Variants in THSD4 observed in about 807,000 individuals in gnomAD.
The protein encoded by THSD4 is thrombospondin type 1 domain containing 4, also known as thrombospondin type-1 domain-containing protein 4.
In THSD4, 69 loss-of-function variants were observed where a neutral mutation model predicts 119.0. The ratio of observed to expected loss-of-function variants is 0.58; its 90% CI spans 0.48 to 0.71. The LOEUF is 0.71. Among genes scored for constraint, THSD4 ranks in the 30% least tolerant of loss-of-function variants. The pLI is 0.00. For synonymous variants in THSD4, 524 were observed against 540.4 expected, an observed-to-expected ratio of 0.97 and a Z score of 0.42; for missense variants, 1,393 against 1,391.1, an observed-to-expected ratio of 1.00 and a Z score of -0.02.
chr15:71,249,473 T>C (rs2044238396), intron 5 of THSD4, among the ~76,000 whole-genome samples: 2 of 151,470 alleles, frequency 1.3e-5, no homozygotes, highest in South Asian at 4.2e-4. Flanking sequence ...TTGTCATTTT[T>C]CATGATTATA....
chr15:71,464,519 G>T (rs1345160930), intron 7 of THSD4, among the ~76,000 whole-genome samples: 1 of 152,182 alleles, frequency 6.6e-6, no homozygotes, highest in East Asian at 1.9e-4. Flanking sequence ...CCCACAGTCT[G>T]TGTCTTGGTT....
chr15:71,701,430 C>T (rs902078342), intron 8 of THSD4, among the ~76,000 whole-genome samples: 3 of 152,102 alleles, frequency 2.0e-5, no homozygotes, highest in African/African-American at 7.2e-5. Context: ...TAATGTACCA[C>T]AGTAAGCAAA....
intron 7 of THSD4, among the ~76,000 whole-genome samples, chr15:71,538,741 A>G (rs1286149186): frequency 6.6e-6 from 1 of 152,254 alleles, no homozygotes; most frequent in African/African-American, 2.4e-5. Context: ...TCCAGGGACC[A>G]TAGTTGAGAA....
At position 71,487,578 on chromosome 15, in the gene THSD4, G is replaced by A. The variant is rs571363619; in HGVS notation, c.1152+75755G>A. Among the ~76,000 whole-genome samples the A allele has an allele frequency of 3.0e-3, 456 of 152,284 alleles. 2 individuals are homozygous for A. Among genetic ancestry groups the A allele is most frequent in the African/African-American group, 0.011 (441 of 41,572 alleles). ...TAGAAAAAAATCTTCTTTGACTTAT[G>A]TTTGCAGTTCCCCTTATGGCCAGCT... On this transcript the variant is annotated intron_variant, in intron 7 of 17. Coordinates refer to ENST00000261862, the MANE Select transcript of THSD4 (RefSeq NM_024817.3).
At chr15:71,241,706 A>C (rs370204524) in intron 4 of THSD4, among the ~76,000 whole-genome samples, 1 of 152,154 alleles carries the variant, frequency 6.6e-6, no homozygotes, top group African/African-American at 2.4e-5. Context: ...AAATGCTACA[A>C]ATCAGGGCTT....
intron 7 of THSD4, among the ~76,000 whole-genome samples, chr15:71,578,261 C>T (rs1183657332): frequency 8.5e-5 from 12 of 140,422 alleles, no homozygotes; most frequent in Admixed American, 7.1e-4. Flanking sequence ...GCAGTGTAGA[C>T]TCCAGGTGGT....
chr15:71,270,918 A>G (rs2044521356), intron 6 of THSD4, among the ~76,000 whole-genome samples: 2 of 151,942 alleles, frequency 1.3e-5, no homozygotes, highest in South Asian at 4.2e-4. Flanking sequence ...CTAGAATGAT[A>G]AAGGAATGAG....
chr15:71,226,651 G>A (rs1274329641), intron 4 of THSD4, among the ~76,000 whole-genome samples: 1 of 152,150 alleles, frequency 6.6e-6, no homozygotes, highest in Non-Finnish European at 1.5e-5. Context: ...GGGCCTCTTC[G>A]TGATGCTGGA....
intron 6 of THSD4, among the ~76,000 whole-genome samples, chr15:71,285,611 T>G (rs941248500): frequency 2.0e-5 from 3 of 152,166 alleles, no homozygotes; most frequent in African/African-American, 7.2e-5. Flanking sequence ...ATCCCAGCAC[T>G]TTGGGAGGCC....
intron 5 of THSD4, among the ~76,000 whole-genome samples, chr15:71,253,601 G>A (rs1391232306): frequency 2.0e-5 from 3 of 152,002 alleles, no homozygotes; most frequent in Admixed American, 2.0e-4. Context: ...TAGAGACAGG[G>A]TTACACTATA....
chr15:71,279,886 A>G (rs2044632246), intron 6 of THSD4, among the ~76,000 whole-genome samples: 1 of 152,170 alleles, frequency 6.6e-6, no homozygotes, highest in African/African-American at 2.4e-5. Flanking sequence ...AGGAAGAGCA[A>G]TGGGCAAAGG....
intron 6 of THSD4, among the ~76,000 whole-genome samples, chr15:71,372,874 G>T (rs192467666): frequency 1.3e-3 from 198 of 152,352 alleles, no homozygotes; most frequent in African/African-American, 4.6e-3. Flanking sequence ...TGCCTGCAGA[G>T]GTGGAGTCTA....
rs2048131973 is a variant in THSD4 at position 71,502,853 on chromosome 15, A to G, written c.1152+91030A>G. ...GAGGTCTTTCTGACAAATGGCCAAA[A>G]TAAGAACTATAATACTAAATATGCT... On this transcript the variant is annotated intron_variant, in intron 7 of 17. Transcript: ENST00000261862. 4.6e-5 allele frequency among the ~76,000 whole-genome samples: 7 copies of G among 152,324 alleles called. No homozygotes were observed. In the South Asian group the frequency reaches 1.4e-3, roughly 32 times the overall value.
intron 8 of THSD4, among the ~76,000 whole-genome samples, chr15:71,688,689 T>TG (rs1167108313): frequency 7.0e-6 from 1 of 143,856 alleles, no homozygotes; most frequent in East Asian, 2.1e-4. Context: ...TGTTGAGGTT[T>TG]TTTTTTGTTT....
In THSD4 at chr15:71,425,143, T is replaced by C. The variant is rs1304539610; in HGVS notation, c.1152+13320T>C. 4.6e-5 allele frequency among the ~76,000 whole-genome samples: 7 copies of C among 152,200 alleles called. No individual in the cohort carries two copies. The East Asian group carries it at 1.3e-3, about 29-fold the overall frequency. On this transcript the variant is annotated intron_variant, in intron 7 of 17. Transcript: ENST00000261862. Reference sequence around the variant, plus strand: ...TGATGCAAGCCAGCAAGGAGCCATTTCTGAGAGTTTACCATGTGCTGTGTC... The same window carrying C: ...TGATGCAAGCCAGCAAGGAGCCATTCCTGAGAGTTTACCATGTGCTGTGTC...
chr15:71,618,170 C>A (rs1277570483), intron 7 of THSD4, among the ~76,000 whole-genome samples: 1 of 152,204 alleles, frequency 6.6e-6, no homozygotes, highest in Non-Finnish European at 1.5e-5. Flanking sequence ...CATAAAAATT[C>A]TCTGTTAACC....
At position 71,483,555 on chromosome 15, in the gene THSD4, G is replaced by A. The variant is rs565233792; in HGVS notation, c.1152+71732G>A. On this transcript the variant is annotated intron_variant, in intron 7 of 17. Coordinates refer to ENST00000261862, the MANE Select transcript of THSD4 (RefSeq NM_024817.3). The stretch of plus-strand genomic sequence containing the variant: ...AGTAACTTGAACTTCCACAGCCTTC[G>A]TTCTTTTTTTAATTTATTATTTATT... Among the ~76,000 whole-genome samples the A allele has an allele frequency of 2.2e-4, 33 of 152,036 alleles. 2 individuals carry two copies. The highest frequency in any genetic ancestry group is 5.2e-4 in the Admixed American group (8 of 15,278).
At chr15:71,731,034 T>A (rs934215884) in intron 9 of THSD4, 87 bp from the exon 10 acceptor site, 2 of 1,262,164 alleles carry the variant, frequency 1.6e-6, no homozygotes, top group African/African-American at 2.9e-5. Flanking sequence ...ACCCAGTCAT[T>A]TCTCAGTAGT....
intron 7 of THSD4, among the ~76,000 whole-genome samples, chr15:71,432,023 A>T (rs774726451): frequency 3.9e-4 from 59 of 152,094 alleles, no homozygotes; most frequent in Non-Finnish European, 7.8e-4. Flanking sequence ...AGATCTGGTT[A>T]TTTTTGTGGC....
Sources: gnomAD v4.1 joint callset for allele counts (sites outside exome capture counted in the v4.1 genomes callset) on GRCh38, gnomAD v4.1.1 for gene constraint, MANE v1.5 for transcripts, NCBI Gene and HGNC (gene_info 2026-07-23, HGNC 2026-07-21) for gene names.